The following RBFOX1 variants were observed in gnomAD, a reference collection of about 807,000 sequenced individuals.
RBFOX1 encodes RNA binding fox-1 homolog 1, also known as RNA binding protein fox-1 homolog 1.
In RBFOX1, 8 loss-of-function variants were observed where a neutral mutation model predicts 57.7. That is an observed-to-expected ratio of 0.14 (90% CI 0.08 to 0.25). The LOEUF (loss-of-function observed/expected upper bound fraction) is 0.25. RBFOX1 is among the 10% of genes least tolerant of loss of function. The pLI, the probability that RBFOX1 is intolerant of heterozygous loss-of-function variation, is 1.00. For synonymous variants in RBFOX1, 326 were observed against 222.4 expected, an observed-to-expected ratio of 1.47 and a Z score of -4.15; for missense variants, 611 against 548.5, an observed-to-expected ratio of 1.11 and a Z score of -1.14.
intron 3 of RBFOX1, among the ~76,000 whole-genome samples, chr16:7,030,675 A>G (rs562733740): frequency 1.3e-4 from 20 of 152,072 alleles, no homozygotes; most frequent in Non-Finnish European, 2.2e-4. Flanking sequence ...TACCTTATTT[A>G]CATCTGTAAA....
At chr16:7,706,187 C>A (rs552258099) in intron 14 of RBFOX1, among the ~76,000 whole-genome samples, 101 of 152,284 alleles carry the variant, frequency 6.6e-4, no homozygotes, top group Middle Eastern at 6.8e-3. Flanking sequence ...AGGGCGTGTT[C>A]AGAAATTAGC....
At position 6,576,006 on chromosome 16, in the gene RBFOX1, A is replaced by G. The variant is rs1436513517; in HGVS notation, c.-63-78597A>G. On this transcript the variant is annotated intron_variant, in intron 2 of 15. Transcript: ENST00000550418. ...AAATAATTTTTTATTTTTGCAAAGC[A>G]AAAACTGTCAGGAGCACCTCCCCCC... Among the ~76,000 whole-genome samples, 4 of 152,164 alleles carry G rather than the reference A, an allele frequency of 2.6e-5. No homozygotes were observed. In the East Asian group the frequency reaches 7.7e-4, roughly 29 times the overall value.
intron 1 of RBFOX1, among the ~76,000 whole-genome samples, chr16:6,027,283 A>G (rs1009255215): frequency 2.6e-5 from 4 of 152,154 alleles, no homozygotes; most frequent in Non-Finnish European, 5.9e-5. Context: ...AGATGAAGGA[A>G]CTGAGGCCCA....
chr16:6,923,137 C>T (rs996949632), intron 3 of RBFOX1, among the ~76,000 whole-genome samples: 4 of 152,184 alleles, frequency 2.6e-5, no homozygotes, highest in African/African-American at 9.6e-5. Flanking sequence ...GATAGGAAAG[C>T]AGCTGGTCCA....
intron 4 of RBFOX1, among the ~76,000 whole-genome samples, chr16:5,878,828 C>T (rs966923018): frequency 1.3e-5 from 2 of 152,136 alleles, no homozygotes; most frequent in African/African-American, 4.8e-5. Context: ...AAGTGGTAAT[C>T]CATGCAGCCA....
chr16:5,474,329 C>A (rs574047383), intron 2 of RBFOX1, among the ~76,000 whole-genome samples: 1 of 152,184 alleles, frequency 6.6e-6, no homozygotes, highest in African/African-American at 2.4e-5. Context: ...TTCGTTAAAG[C>A]TTAACTTGTT....
At chr16:7,458,871 T>G (rs1307325333) in intron 4 of RBFOX1, among the ~76,000 whole-genome samples, 4 of 152,250 alleles carry the variant, frequency 2.6e-5, no homozygotes, top group Admixed American at 6.5e-5. Flanking sequence ...ATTTTATGTT[T>G]CATTTGTGTC....
At chr16:5,709,695 C>T (rs57080819) in intron 3 of RBFOX1, among the ~76,000 whole-genome samples, 1 of 126,844 alleles carries the variant, frequency 7.9e-6, no homozygotes, top group Admixed American at 8.4e-5. Flanking sequence ...TGAAATTCAT[C>T]TGACACCTGG....
At chr16:5,549,119 C>T (rs1315931011) in intron 2 of RBFOX1, among the ~76,000 whole-genome samples, 2 of 152,178 alleles carry the variant, frequency 1.3e-5, no homozygotes, top group African/African-American at 4.8e-5. Flanking sequence ...ACCCTATGAG[C>T]AGCTCACTGT....
intron 3 of RBFOX1, among the ~76,000 whole-genome samples, chr16:5,796,672 C>G (rs1010721707): frequency 3.3e-5 from 5 of 152,304 alleles, no homozygotes; most frequent in African/African-American, 9.6e-5. Flanking sequence ...CCATTTGATA[C>G]TCTTACCCCA....
intron 1 of RBFOX1, among the ~76,000 whole-genome samples, chr16:6,314,504 A>T (rs574450968): frequency 3.3e-4 from 51 of 152,330 alleles, no homozygotes; most frequent in Middle Eastern, 3.4e-3. Flanking sequence ...CAGACCTTCC[A>T]TGAGTTCAAA....
At chr16:5,385,175 AT>A (rs1332391973) in intron 1 of RBFOX1, among the ~76,000 whole-genome samples, 5 of 152,158 alleles carry the variant, frequency 3.3e-5, no homozygotes, top group Non-Finnish European at 2.9e-5. Flanking sequence ...TTTTTTTCTC[AT>A]TCAGTTCTCA....
intron 2 of RBFOX1, among the ~76,000 whole-genome samples, chr16:6,328,417 C>A (rs1182301896): frequency 1.3e-5 from 2 of 152,050 alleles, no homozygotes; most frequent in African/African-American, 4.8e-5. Flanking sequence ...CTGTTCCCCC[C>A]AAAAACCGAT....
At position 7,710,660 on chromosome 16, in the gene RBFOX1, G is replaced by T. The variant is rs1457372318; in HGVS notation, c.1109G>T (p.Ser370Ile). The T allele has an allele frequency of 6.2e-7, 1 of 1,613,382 alleles. No individual in the cohort carries two copies. The highest frequency in any genetic ancestry group is 8.5e-7 in the Non-Finnish European group (1 of 1,179,786). Residue 370 changes from serine to isoleucine, a missense_variant, in exon 16 of 16, where the codon AGC becomes ATC. Ser to Ile is a moderately radical substitution (Grantham distance 142). Around this residue, in one of 3 missense-constraint regions of RBFOX1, gnomAD observed 267 missense variants for 229.1 expected, o/e 1.17. Coordinates refer to ENST00000550418, the MANE Select transcript of RBFOX1 (RefSeq NM_018723.4). Reference protein sequence around the residue: ...FAPLTDAKTRSHADDVGLVLS... With the variant: ...FAPLTDAKTRIHADDVGLVLS... ...CCTTTGACTGATGCCAAGACTAGGA[G>T]CCATGCTGATGATGTGGGTCTCGTT... is the stretch of plus-strand genomic sequence containing the variant.
At chr16:5,540,375 G>C (rs1331215082) in intron 2 of RBFOX1, among the ~76,000 whole-genome samples, 1 of 152,228 alleles carries the variant, frequency 6.6e-6, no homozygotes, top group East Asian at 1.9e-4. Context: ...GTGGGATAAA[G>C]TAGCCAGTGT....
At chr16:7,187,943 A>G (rs779507034) in intron 4 of RBFOX1, among the ~76,000 whole-genome samples, 32 of 152,300 alleles carry the variant, frequency 2.1e-4, no homozygotes, top group Non-Finnish European at 4.3e-4. Context: ...AAATCACAGC[A>G]CTTTAAGAAT....
chr16:7,477,639 C>T (rs559982922), intron 4 of RBFOX1, among the ~76,000 whole-genome samples: 7 of 152,174 alleles, frequency 4.6e-5, no homozygotes, highest in Admixed American at 1.3e-4. Context: ...CACCTTATTA[C>T]GATGGTAGTA....
chr16:5,681,642 C>T (rs1306888632), intron 3 of RBFOX1, among the ~76,000 whole-genome samples: 2 of 152,090 alleles, frequency 1.3e-5, no homozygotes, highest in Non-Finnish European at 2.9e-5. Context: ...ATCCACCCAC[C>T]TCAGCCTCCC....
intron 3 of RBFOX1, among the ~76,000 whole-genome samples, chr16:5,766,532 C>T (rs1427803535): frequency 1.3e-5 from 2 of 152,138 alleles, no homozygotes; most frequent in Non-Finnish European, 2.9e-5. Context: ...TTGCAGTGAG[C>T]CGAGATCACA....
Sources: allele counts gnomAD v4.1 joint callset (sites outside exome capture counted in the v4.1 genomes callset), GRCh38; gene constraint gnomAD v4.1.1; regional missense constraint gnomAD v4.1.1; transcripts MANE v1.5; gene names NCBI Gene and HGNC (gene_info 2026-07-23, HGNC 2026-07-21).